CYFIP1: variants seen among roughly 807,000 people sequenced by gnomAD.
CYFIP1 encodes the protein cytoplasmic FMR1-interacting protein 1.
A neutral mutation model predicts 163.5 loss-of-function variants in CYFIP1; 58 were observed. The ratio of observed to expected loss-of-function variants is 0.35; its 90% CI spans 0.29 to 0.44. The LOEUF (loss-of-function observed/expected upper bound fraction) is 0.44, where lower values mean the gene tolerates loss of function less well. CYFIP1 is among the 20% of genes least tolerant of loss of function. The probability of loss-of-function intolerance (pLI) is 1.00; values close to 1 mark genes in which losing one functional copy is unlikely to be tolerated. For synonymous variants in CYFIP1, 663 were observed against 660.7 expected (o/e 1.00, Z -0.05); for missense variants, 1,338 against 1,653.8 (o/e 0.81, Z 3.31).
At chr15:22,945,676 C>T (rs1348172950) in intron 3 of CYFIP1, among the ~76,000 whole-genome samples, 1 of 151,664 alleles carries the variant, frequency 6.6e-6, no homozygotes, top group Non-Finnish European at 1.5e-5. Context: ...CGGGTTCAAG[C>T]AATTCTCTTG....
Position 22,867,165 on chromosome 15 carries a change from G to GTGA in CYFIP1, c.*2860_*2862dup, listed in dbSNP as rs2059152566. ...ATGAAAATGCTTTATTTTTTCATTG[G>GTGA]TGATGAAAGTCTGAAATGTGCATTT... On this transcript the variant is annotated 3_prime_UTR_variant, in exon 31 of 31. Transcript: ENST00000617928. 1 of 443,732 alleles carries GTGA rather than the reference G, an allele frequency of 2.3e-6. No homozygotes were observed. The highest frequency in any genetic ancestry group is 2.0e-5 in the African/African-American group (1 of 48,958). The allele number at this position is 443,732 out of a possible 1,614,324, so 27.5% of individuals were successfully genotyped here.
intron 5 of CYFIP1, 96 bp from the exon 6 acceptor site, chr15:22,943,450 G>C (rs2061957898): frequency 7.4e-7 from 1 of 1,348,326 alleles, no homozygotes; most frequent in South Asian, 1.4e-5. Context: ...GCTCCTCGAT[G>C]AGAAACGATC....
chr15:22,912,222 G>T lies in CYFIP1; in HGVS notation c.2039C>A (p.Thr680Asn). The T allele has an allele frequency of 6.2e-7, 1 of 1,614,124 alleles. No homozygotes were observed. The highest frequency in any genetic ancestry group is 1.1e-5 in the South Asian group (1 of 91,052). ...GTACAGGAACTGCTTGTTGAACCTG[G>T]TGAGCGCGTAGTGGGCGCTGTCATT... ...LYNDSAHYAL[T>N]RFNKQFLYDE... The change falls in exon 18 of 31, where the codon ACC becomes AAC. Residue 680 changes from threonine to asparagine, a missense_variant. Transcript: ENST00000617928.
chr15:22,901,880 G>A (rs1001336518), intron 22 of CYFIP1, among the ~76,000 whole-genome samples: 23 of 152,184 alleles, frequency 1.5e-4, no homozygotes, highest in African/African-American at 4.3e-4. Context: ...CCAAAGACTT[G>A]TGGGAAATGC....
intron 16 of CYFIP1, 154 bp from the exon 17 acceptor site, chr15:22,915,036 C>G (rs1423494966): frequency 1.5e-6 from 1 of 683,706 alleles, no homozygotes; most frequent in African/African-American, 1.8e-5. Context: ...TCACCGGGGC[C>G]TTGCACTAGG....
chr15:22,879,627 C>T (rs2059691226), intron 26 of CYFIP1, among the ~76,000 whole-genome samples: 1 of 150,334 alleles, frequency 6.7e-6, no homozygotes, highest in Non-Finnish European at 1.5e-5. Flanking sequence ...CTTACAGGCA[C>T]ACCAAATATG....
chr15:22,937,942 T>C (rs1490565668), intron 8 of CYFIP1, among the ~76,000 whole-genome samples: 2 of 152,132 alleles, frequency 1.3e-5, no homozygotes, highest in Admixed American at 6.5e-5. Flanking sequence ...GCCACCTGCA[T>C]GCTCCAGTGC....
At chr15:22,887,243 CAA>C (rs1339661900) in intron 23 of CYFIP1, among the ~76,000 whole-genome samples, 1 of 152,130 alleles carries the variant, frequency 6.6e-6, no homozygotes, top group Non-Finnish European at 1.5e-5. Flanking sequence ...CCCCCCAAAA[CAA>C]AGAGCCAAAA....
At chr15:22,920,511 G>A (rs1178149636) in intron 13 of CYFIP1, among the ~76,000 whole-genome samples, 1 of 151,370 alleles carries the variant, frequency 6.6e-6, no homozygotes, top group African/African-American at 2.4e-5. Flanking sequence ...AGACGTGTCT[G>A]ACAAGTACTT....
chr15:22,921,531 G>C (rs2061176931), intron 13 of CYFIP1, among the ~76,000 whole-genome samples: 1 of 151,518 alleles, frequency 6.6e-6, no homozygotes, highest in African/African-American at 2.4e-5. Context: ...AGACAGAGAA[G>C]CAGGCCAGGC....
intron 11 of CYFIP1, among the ~76,000 whole-genome samples, chr15:22,928,934 G>A (rs1364588373): frequency 6.6e-6 from 1 of 151,810 alleles, no homozygotes; most frequent in East Asian, 1.9e-4. Context: ...TCCTCTGAGT[G>A]AGGGGCCCGG....
intron 13 of CYFIP1, among the ~76,000 whole-genome samples, chr15:22,924,228 A>T (rs2142157979): frequency 6.6e-6 from 1 of 152,226 alleles, no homozygotes; most frequent in South Asian, 2.1e-4. Flanking sequence ...GTTTGAGACC[A>T]GCCCGGCCAA....
chr15:22,908,514 A>ATTTTTTT (rs2060660703), intron 21 of CYFIP1, among the ~76,000 whole-genome samples: 2 of 95,112 alleles, frequency 2.1e-5, no homozygotes, highest in African/African-American at 9.3e-5. Context: ...TAAAGAAGAT[A>ATTTTTTT]TTTCTTTTTT....
In CYFIP1 at chr15:22,879,928, G is replaced by A. The variant is rs143004668; in HGVS notation, c.3027C>T (p.Leu1009=). The A allele has an allele frequency of 2.7e-4, 441 of 1,612,542 alleles. 1 individual carries two copies. In the African/African-American group the frequency reaches 5.2e-3, roughly 19 times the overall value. Residue 1009 remains leucine (L), a synonymous_variant, in exon 26 of 31, where the codon CTC becomes CTT. Transcript: ENST00000617928. ...EVGNAILFCL[L]IEQSLSLEEV... Reference sequence around the variant, plus strand: ...GGCCACTCACCAGGCTCTGCTCGATGAGCAGGCAGAAGAGGATGGCGTTCC... The same window carrying A: ...GGCCACTCACCAGGCTCTGCTCGATAAGCAGGCAGAAGAGGATGGCGTTCC...
rs145078616 is a variant in CYFIP1 at position 22,881,068 on chromosome 15, T to C, written c.2911+778A>G. ...CTGATGGCTACTTCCCCATGGTGGC[T>C]GAGGGGGACACCTTATCGTCTCCTC... On this transcript the variant is annotated intron_variant, in intron 25 of 30. Transcript: ENST00000617928. 1.8e-3 allele frequency among the ~76,000 whole-genome samples: 277 copies of C among 152,308 alleles called. 3 individuals carry two copies. The East Asian group carries it at 0.03, about 16-fold the overall frequency.
intron 13 of CYFIP1, among the ~76,000 whole-genome samples, chr15:22,923,942 CAAAAAAAAAA>C (rs916058496): frequency 4.9e-5 from 3 of 61,816 alleles, no homozygotes; most frequent in East Asian, 4.6e-4. Context: ...ACCTTGTCTC[CAAAAAAAAAA>C]AAAAAAAAAA....
At chr15:22,915,063 C>A (rs1274639559) in intron 16 of CYFIP1, 181 bp from the exon 17 acceptor site, 1 of 514,920 alleles carries the variant, frequency 1.9e-6, no homozygotes, top group Non-Finnish European at 3.3e-6. Context: ...ACCAGCTGGG[C>A]ATAGCTGCAG....
chr15:22,976,076 C>T (rs927516597), intron 1 of CYFIP1, among the ~76,000 whole-genome samples: 1 of 152,154 alleles, frequency 6.6e-6, no homozygotes, highest in Non-Finnish European at 1.5e-5. Flanking sequence ...CTTCAGCATA[C>T]AGATCCTGTA....
At chr15:22,966,257 C>T (rs1275541233) in intron 1 of CYFIP1, among the ~76,000 whole-genome samples, 1 of 151,718 alleles carries the variant, frequency 6.6e-6, no homozygotes, top group Non-Finnish European at 1.5e-5. Flanking sequence ...ACTGAAATCC[C>T]AGCTACTCAG....
Sources: allele counts gnomAD v4.1 joint callset (sites outside exome capture counted in the v4.1 genomes callset), GRCh38; gene constraint gnomAD v4.1.1; transcripts MANE v1.5; gene names NCBI Gene and HGNC (gene_info 2026-07-23, HGNC 2026-07-21).